The following CERS6 variants were observed in gnomAD, a reference collection of about 807,000 sequenced individuals.
The protein encoded by CERS6 is LAG1 homolog, ceramide synthase 6.
In CERS6, 26 loss-of-function variants were observed where a neutral mutation model predicts 56.8. That is an observed-to-expected ratio of 0.46 (90% CI 0.34 to 0.63). CERS6 has a LOEUF of 0.63. CERS6 is among the 30% of genes least tolerant of loss of function. The pLI is 0.01. For synonymous variants in CERS6, 164 were observed against 173.3 expected (o/e 0.95, Z 0.42); for missense variants, 415 against 467.5 (o/e 0.89, Z 1.04).
intron 4 of CERS6, among the ~76,000 whole-genome samples, chr2:168,650,069 A>G (rs912108520): frequency 2.0e-5 from 3 of 152,158 alleles, no homozygotes; most frequent in African/African-American, 7.2e-5. Context: ...GTGAGACTTA[A>G]AAAAAACAAA....
At chr2:168,571,841 AT>A (rs1375795623) in intron 3 of CERS6, among the ~76,000 whole-genome samples, 1 of 152,172 alleles carries the variant, frequency 6.6e-6, no homozygotes, top group African/African-American at 2.4e-5. Context: ...TCTTTTAATT[AT>A]TTTTAAATTT....
chr2:168,549,659 A>G (rs113753976), intron 2 of CERS6, among the ~76,000 whole-genome samples: 29,794 of 152,114 alleles, frequency 0.2, 3,064 homozygotes, highest in South Asian at 0.36. Context: ...ACAAAAACAA[A>G]TACTTGCTTC....
chr2:168,557,147 G>C (rs1695697867), intron 2 of CERS6, among the ~76,000 whole-genome samples: 1 of 152,028 alleles, frequency 6.6e-6, no homozygotes, highest in African/African-American at 2.4e-5. Context: ...CTGGGCAAGA[G>C]AGTTAGACCC....
At chr2:168,730,033 C>A (rs990981509) in intron 8 of CERS6, among the ~76,000 whole-genome samples, 1 of 152,174 alleles carries the variant, frequency 6.6e-6, no homozygotes, top group East Asian at 1.9e-4. Flanking sequence ...GTTTCCCCTG[C>A]AGTTTGGCAC....
intron 4 of CERS6, among the ~76,000 whole-genome samples, chr2:168,668,901 A>G (rs1047347905): frequency 6.6e-6 from 1 of 152,210 alleles, no homozygotes; most frequent in Non-Finnish European, 1.5e-5. Flanking sequence ...AGAATTATAC[A>G]TATGCATGAC....
intron 8 of CERS6, among the ~76,000 whole-genome samples, chr2:168,760,465 A>G (rs1437450073): frequency 6.6e-6 from 1 of 152,120 alleles, no homozygotes; most frequent in Non-Finnish European, 1.5e-5. Context: ...TCAAATGTTA[A>G]TCTCCTTTGG....
intron 1 of CERS6, among the ~76,000 whole-genome samples, chr2:168,532,767 A>G (rs1282153151): frequency 6.6e-6 from 1 of 152,214 alleles, no homozygotes; most frequent in African/African-American, 2.4e-5. Context: ...ACAGAAAAAC[A>G]TTTTTTAAAG....
At chr2:168,498,240 C>T (rs1346759671) in intron 1 of CERS6, among the ~76,000 whole-genome samples, 1 of 152,114 alleles carries the variant, frequency 6.6e-6, no homozygotes, top group Non-Finnish European at 1.5e-5. Context: ...TTTTAATCCC[C>T]CTCCACATCT....
intron 4 of CERS6, among the ~76,000 whole-genome samples, chr2:168,657,789 G>T (rs1309173445): frequency 6.6e-6 from 1 of 152,218 alleles, no homozygotes; most frequent in East Asian, 1.9e-4. Context: ...CGCAAGCGCC[G>T]CACGCAGCCC....
intron 1 of CERS6, among the ~76,000 whole-genome samples, chr2:168,534,909 G>T (rs1355645020): frequency 6.6e-6 from 1 of 152,214 alleles, no homozygotes; most frequent in Admixed American, 6.5e-5. Context: ...TCCGTATTCT[G>T]TCCCTGAGCC....
chr2:168,763,460 G>A (rs1321438727), intron 8 of CERS6, among the ~76,000 whole-genome samples: 1 of 151,032 alleles, frequency 6.6e-6, no homozygotes. Context: ...CAGGGTTTCA[G>A]CATCTTGGCC....
chr2:168,745,646 G>A (rs777290884), intron 8 of CERS6, among the ~76,000 whole-genome samples: 59 of 152,294 alleles, frequency 3.9e-4, no homozygotes, highest in Non-Finnish European at 6.0e-4. Flanking sequence ...CCCACAGACT[G>A]TATGTCTAAA....
chr2:168,654,502 C>T (rs1685421857), intron 4 of CERS6, among the ~76,000 whole-genome samples: 1 of 152,088 alleles, frequency 6.6e-6, no homozygotes, highest in Non-Finnish European at 1.5e-5. Flanking sequence ...AAGATCACAC[C>T]ACTGCACTCC....
At chr2:168,512,941 C>T (rs979056787) in intron 1 of CERS6, among the ~76,000 whole-genome samples, 2 of 152,182 alleles carry the variant, frequency 1.3e-5, no homozygotes, top group African/African-American at 4.8e-5. Flanking sequence ...GCTGGGATTA[C>T]AGGTGTGAGC....
chr2:168,519,031 T>A (rs933579478), intron 1 of CERS6, among the ~76,000 whole-genome samples: 1 of 152,170 alleles, frequency 6.6e-6, no homozygotes, highest in Non-Finnish European at 1.5e-5. Flanking sequence ...TTGAGTTGAG[T>A]CATAATATGT....
chr2:168,571,968 T>C (rs1245531937), intron 3 of CERS6, among the ~76,000 whole-genome samples: 3 of 152,210 alleles, frequency 2.0e-5, no homozygotes, highest in African/African-American at 7.2e-5. Context: ...GGAGGCTGTT[T>C]ACTGCTGTTA....
intron 2 of CERS6, among the ~76,000 whole-genome samples, chr2:168,559,177 G>A (rs937425174): frequency 6.6e-6 from 1 of 151,658 alleles, no homozygotes; most frequent in African/African-American, 2.4e-5. Context: ...TCAAAGGTGA[G>A]TGTAGATGGT....
chr2:168,479,371 T>C (rs1291929221), intron 1 of CERS6, among the ~76,000 whole-genome samples: 1 of 152,242 alleles, frequency 6.6e-6, no homozygotes, highest in Non-Finnish European at 1.5e-5. Flanking sequence ...CAAGTAGATA[T>C]GCATGTGTGT....
chr2:168,504,720 T>G (rs958607089), intron 1 of CERS6, among the ~76,000 whole-genome samples: 2 of 152,090 alleles, frequency 1.3e-5, no homozygotes, highest in Admixed American at 1.3e-4. Flanking sequence ...TCCCTTTCCA[T>G]TTGGTTTCTG....
Sources: allele counts gnomAD v4.1 joint callset (sites outside exome capture counted in the v4.1 genomes callset), GRCh38; gene constraint gnomAD v4.1.1; transcripts MANE v1.5; gene names NCBI Gene and HGNC (gene_info 2026-07-23, HGNC 2026-07-21).